Variants in PPIE observed in about 807,000 individuals in gnomAD.
PPIE encodes the protein peptidyl-prolyl cis-trans isomerase E.
A neutral mutation model predicts 38.4 loss-of-function variants in PPIE; 20 were observed. The ratio of observed to expected loss-of-function variants is 0.52; its 90% CI spans 0.37 to 0.76. PPIE has a LOEUF of 0.76. Ranked by LOEUF, PPIE falls within the 30% of genes least tolerant of loss-of-function variation. The pLI is 0.00. For missense variants in PPIE, 322 were observed against 385.8 expected (o/e 0.83, Z 1.39); for synonymous variants, 142 against 135.7 (o/e 1.05, Z -0.32).
At position 39,748,895 on chromosome 1, in the gene PPIE, A is replaced by T. The variant is rs1449831716; in HGVS notation, c.509-8A>T. 6.2e-7 allele frequency: 1 copy of T among 1,610,366 alleles called. No individual in the cohort carries two copies. The highest frequency in any genetic ancestry group is 8.5e-7 in the Non-Finnish European group (1 of 1,179,044). On this transcript the variant is annotated splice_region_variant and splice_polypyrimidine_tract_variant and intron_variant, in intron 7 of 9. Coordinates refer to ENST00000324379, the MANE Select transcript of PPIE (RefSeq NM_006112.4). The stretch of plus-strand genomic sequence containing the variant: ...TAACCCCAGCGCTTTTTCCTTTCTC[A>T]ATTCCAGAGAATTTCCGCTGCCTGT...
Position 39,738,897 on chromosome 1 carries a change from C to A in PPIE, c.-4C>A. ...GGCTTCCGGCGGAAAAGCGCGCGAGCAAGATGGCCACCACCAAGCGCGTCT... is the reference window on the plus strand; with the variant it reads ...GGCTTCCGGCGGAAAAGCGCGCGAGAAAGATGGCCACCACCAAGCGCGTCT... On this transcript the variant is annotated 5_prime_UTR_variant, in exon 1 of 10. Coordinates refer to ENST00000324379, the MANE Select transcript of PPIE (RefSeq NM_006112.4). The A allele has an allele frequency of 6.6e-7, 1 of 1,511,878 alleles. No individual in the cohort carries two copies. Among genetic ancestry groups the A allele is most frequent in the Non-Finnish European group, 8.8e-7 (1 of 1,131,996 alleles). 93.7% of individuals were successfully genotyped at this position (1,511,878 alleles called of 1,614,324 possible). A position where few individuals can be genotyped will look rare whatever the true frequency, so the allele number is the denominator to read the frequency against.
chr1:39,750,138 A>C (rs1006668118), intron 8 of PPIE, among the ~76,000 whole-genome samples: 24 of 152,234 alleles, frequency 1.6e-4, no homozygotes, highest in African/African-American at 5.5e-4. Flanking sequence ...CGTCTCGGAA[A>C]AAAAAAAACA....
intron 7 of PPIE, chr1:39,747,970 A>G (rs1403430227): frequency 6.6e-6 from 1 of 151,274 alleles, no homozygotes; most frequent in East Asian, 2.0e-4. Context: ...TCTTGCTCTG[A>G]CTCCCAGGCT....
Position 39,749,012 on chromosome 1 carries a change from C to T in PPIE, c.618C>T (p.His206=). Residue 206 remains histidine (H), a synonymous_variant, in exon 8 of 10, where the codon CAC becomes CAT. Coordinates refer to ENST00000324379, the MANE Select transcript of PPIE (RefSeq NM_006112.4). ...FMCQGGDFTN[H]NGTGGKSIYG... is the part of the protein sequence containing the mutation. ...GCCAGGGCGGTGATTTCACAAACCA[C>T]AATGGCACTGGGGGCAAGTCCATCT... 2 of 1,612,534 alleles carry T rather than the reference C, an allele frequency of 1.2e-6. No homozygotes were observed. The highest frequency in any genetic ancestry group is 1.7e-6 in the Non-Finnish European group (2 of 1,179,628).
chr1:39,742,984 T>C (rs1213364588), intron 4 of PPIE: 1 of 446,504 alleles, frequency 2.2e-6, no homozygotes, highest in Non-Finnish European at 4.0e-6. Flanking sequence ...TGGAGTGTTC[T>C]GAACCCAGAG....
At chr1:39,745,552 C>G (rs1421048934) in intron 7 of PPIE, 54 bp downstream of exon 7, 24 of 1,611,038 alleles carry the variant, frequency 1.5e-5, no homozygotes, top group Non-Finnish European at 2.0e-5. Context: ...GAGCAGTGAG[C>G]CTTTCCCAGG....
At chr1:39,760,325 C>T (rs754531895), downstream of PPIE, 75 of 1,560,194 alleles carry the variant, frequency 4.8e-5, no homozygotes, top group Middle Eastern at 1.7e-4. Context: ...GGCAATGCCC[C>T]GGCCTGGGGT....
intron 4 of PPIE, 131 bp downstream of exon 4, chr1:39,742,052 A>C: frequency 2.3e-6 from 2 of 885,670 alleles, no homozygotes; most frequent in Non-Finnish European, 3.6e-6. Context: ...TCACATGAAA[A>C]TATTCACTGT....
At chr1:39,748,733 C>A in intron 7 of PPIE, 170 bp from the exon 8 acceptor site, 1 of 631,528 alleles carries the variant, frequency 1.6e-6, no homozygotes, top group South Asian at 2.0e-5. Flanking sequence ...GAAACTCCGT[C>A]TCAAGGAAAA....
At chr1:39,745,342 C>A in intron 6 of PPIE, 33 bp from the exon 7 acceptor site, 6 of 1,613,526 alleles carry the variant, frequency 3.7e-6, no homozygotes, top group Non-Finnish European at 5.1e-6. Context: ...CGTCAGGGAG[C>A]TCTCTCTAAC....
At position 39,755,602 on chromosome 1, in the gene PPIE, G is replaced by A. The variant is rs1569723649; in HGVS notation, c.*2247G>A. The A allele has an allele frequency of 1.3e-5, 13 of 985,270 alleles. No homozygotes were observed. The highest frequency in any genetic ancestry group is 3.5e-5 in the African/African-American group (2 of 57,212). 61.0% of individuals were successfully genotyped at this position (985,270 alleles called of 1,614,324 possible). A position where few individuals can be genotyped will look rare whatever the true frequency, so the allele number is the denominator to read the frequency against. On this transcript the variant is annotated 3_prime_UTR_variant, in exon 10 of 10. Transcript: ENST00000324379. Reference sequence around the variant, plus strand: ...ATAGCACTGACTTCAGTGCTTGGACGAGAACCAGGAGAGAGTGTGTAGAAA... The same window carrying A: ...ATAGCACTGACTTCAGTGCTTGGACAAGAACCAGGAGAGAGTGTGTAGAAA...
rs192531501 is a variant in PPIE, at chr1:39,755,903, C to G, written c.*2548C>G. 1 of 985,402 alleles carries G rather than the reference C, an allele frequency of 1.0e-6. No homozygotes were observed. Among genetic ancestry groups the G allele is most frequent in the African/African-American group, 1.7e-5 (1 of 57,362 alleles). 61.0% of individuals were successfully genotyped at this position (985,402 alleles called of 1,614,324 possible). A position where few individuals can be genotyped will look rare whatever the true frequency, so the allele number is the denominator to read the frequency against. On this transcript the variant is annotated 3_prime_UTR_variant, in exon 10 of 10. Transcript: ENST00000324379. ...GTTTGGCAGAGCTGGGATTAGAAGC[C>G]CAGCCTGTCTCTCTTCAGTAGTAAT...
At chr1:39,741,327 C>T in intron 2 of PPIE, 39 bp from the exon 3 acceptor site, 1 of 1,598,976 alleles carries the variant, frequency 6.3e-7, no homozygotes, top group Non-Finnish European at 8.6e-7. Flanking sequence ...CCCACTACCC[C>T]ACATAGTAAT....
At chr1:39,761,435 C>G (rs1333749861), downstream of PPIE, 1 of 152,846 alleles carries the variant, frequency 6.5e-6, no homozygotes, top group East Asian at 1.9e-4. Flanking sequence ...CCCCCACCCC[C>G]AATCCCAGCC....
At chr1:39,740,103 T>A in intron 1 of PPIE, 62 bp from the exon 2 acceptor site, 3 of 1,356,576 alleles carry the variant, frequency 2.2e-6, no homozygotes, top group Non-Finnish European at 3.2e-6. Context: ...CTAACTGGGC[T>A]GCAAGGACTT....
At position 39,755,393 on chromosome 1, in the gene PPIE, C is replaced by T; in HGVS notation, c.*2038C>T. The T allele has an allele frequency of 1.0e-6, 1 of 985,450 alleles. No individual in the cohort carries two copies. Among genetic ancestry groups the T allele is most frequent in the Non-Finnish European group, 1.2e-6 (1 of 829,936 alleles). 61.0% of individuals were successfully genotyped at this position (985,450 alleles called of 1,614,324 possible). A position where few individuals can be genotyped will look rare whatever the true frequency, so the allele number is the denominator to read the frequency against. On this transcript the variant is annotated 3_prime_UTR_variant, in exon 10 of 10. Coordinates refer to ENST00000324379, the MANE Select transcript of PPIE (RefSeq NM_006112.4). The stretch of plus-strand genomic sequence containing the variant: ...TGTGCCGACTGGACTTTGTGAGCTC[C>T]AGCTGCTACAGTTGACTGAGTTCAG...
intron 8 of PPIE, among the ~76,000 whole-genome samples, chr1:39,751,992 G>T (rs886588320): frequency 6.6e-6 from 1 of 152,100 alleles, no homozygotes; most frequent in Non-Finnish European, 1.5e-5. Context: ...AGTCTCAGCC[G>T]CTTGGGAGTT....
In PPIE at chr1:39,743,296, A is replaced by G. The variant is rs1647107140; in HGVS notation, c.282A>G (p.Pro94=). 2 of 1,613,866 alleles carry G rather than the reference A, an allele frequency of 1.2e-6. No homozygotes were observed. Among genetic ancestry groups the G allele is most frequent in the Non-Finnish European group, 8.5e-7 (1 of 1,179,710 alleles). The change falls in exon 5 of 10, where the codon CCA becomes CCG. Residue 94 remains proline, a splice_region_variant and synonymous_variant. Coordinates refer to ENST00000324379, the MANE Select transcript of PPIE (RefSeq NM_006112.4). Reference sequence around the variant, plus strand: ...GAATTAAGGAAGGCTCTTCCAGGCCAGGTGAGTAGGAGCAACTTCCAGATT... The same window carrying G: ...GAATTAAGGAAGGCTCTTCCAGGCCGGGTGAGTAGGAGCAACTTCCAGATT... ...PMRIKEGSSR[P]VWSDDDWLKK... is the part of the protein sequence containing the mutation.
In PPIE at chr1:39,753,601, A is replaced by C; in HGVS notation, c.*246A>C. 7.4e-7 allele frequency: 1 copy of C among 1,343,538 alleles called. No individual in the cohort carries two copies. Among genetic ancestry groups the C allele is most frequent in the Non-Finnish European group, 9.5e-7 (1 of 1,052,072 alleles). The allele number at this position is 1,343,538 out of a possible 1,614,324, so 83.2% of individuals were successfully genotyped here. Reference sequence around the variant, plus strand: ...CTCCACCATGGGCAGGCTGTGCAAAAAGCCACTGGCTTTTCTCAGCATTTG... The same window carrying C: ...CTCCACCATGGGCAGGCTGTGCAAACAGCCACTGGCTTTTCTCAGCATTTG... On this transcript the variant is annotated 3_prime_UTR_variant, in exon 10 of 10. Transcript: ENST00000324379.
Sources: allele counts gnomAD v4.1 joint callset (sites outside exome capture counted in the v4.1 genomes callset), GRCh38; gene constraint gnomAD v4.1.1; transcripts MANE v1.5; gene names NCBI Gene and HGNC (gene_info 2026-07-23, HGNC 2026-07-21).